CADM2: variants seen among roughly 807,000 people sequenced by gnomAD.
CADM2 encodes the protein immunoglobulin superfamily member 4D.
A neutral mutation model predicts 49.8 loss-of-function variants in CADM2; 12 were observed. That is an observed-to-expected ratio of 0.24 (90% CI 0.15 to 0.39). The LOEUF (loss-of-function observed/expected upper bound fraction) is 0.39, where lower values mean the gene tolerates loss of function less well. Ranked by LOEUF, CADM2 falls within the 10% of genes least tolerant of loss-of-function variation. The probability of loss-of-function intolerance (pLI) is 1.00; values close to 1 mark genes in which losing one functional copy is unlikely to be tolerated. For missense variants in CADM2, 378 were observed against 492.3 expected (o/e 0.77, Z 2.20); for synonymous variants, 214 against 175.4 (o/e 1.22, Z -1.74).
At chr3:85,435,244 A>G (rs1046438412) in intron 1 of CADM2, among the ~76,000 whole-genome samples, 1 of 151,930 alleles carries the variant, frequency 6.6e-6, no homozygotes, top group African/African-American at 2.4e-5. Context: ...TTCACCTCCC[A>G]CTTATGAGTG....
At chr3:85,808,413 C>T (rs1240224466) in intron 3 of CADM2, among the ~76,000 whole-genome samples, 1 of 151,968 alleles carries the variant, frequency 6.6e-6, no homozygotes, top group African/African-American at 2.4e-5. Context: ...GTCATTGAAA[C>T]ACCACATAAA....
At chr3:85,468,986 G>A (rs75776865) in intron 1 of CADM2, among the ~76,000 whole-genome samples, 7,700 of 152,210 alleles carry the variant, frequency 0.051, 651 homozygotes, top group African/African-American at 0.17. Context: ...GACTCTTCAT[G>A]GGGAGGGAAA....
intron 1 of CADM2, among the ~76,000 whole-genome samples, chr3:85,618,060 C>A (rs995373534): frequency 6.6e-6 from 1 of 151,946 alleles, no homozygotes; most frequent in Non-Finnish European, 1.5e-5. Flanking sequence ...TCATTCTTTT[C>A]TTTAGGAGGA....
intron 1 of CADM2, among the ~76,000 whole-genome samples, chr3:85,021,902 C>A (rs144444770): frequency 4.1e-4 from 63 of 152,294 alleles, no homozygotes; most frequent in Admixed American, 1.0e-3. Context: ...GGATTGCTAA[C>A]TTAGCTGATG....
intron 1 of CADM2, among the ~76,000 whole-genome samples, chr3:85,455,630 A>G (rs1002819669): frequency 3.3e-5 from 5 of 152,190 alleles, no homozygotes; most frequent in Admixed American, 1.3e-4. Context: ...CTCTTTTTTA[A>G]TATGTCCATT....
At chr3:85,018,569 G>A (rs1299666426) in intron 1 of CADM2, among the ~76,000 whole-genome samples, 6 of 151,996 alleles carry the variant, frequency 3.9e-5, no homozygotes, top group Admixed American at 3.9e-4. Context: ...TGGCTAGGCT[G>A]GTCTCAAACT....
In CADM2 at chr3:85,450,886, TAGGCTACTA is replaced by T. The variant is rs535310753; in HGVS notation, c.62-275633_62-275625del. Among the ~76,000 whole-genome samples, 549 of 152,220 alleles carry T rather than the reference TAGGCTACTA, an allele frequency of 3.6e-3. 4 individuals are homozygous for T. The highest frequency in any genetic ancestry group is 0.013 in the African/African-American group (522 of 41,592). ...AACAGATCTAGTTTTGAATTCGGCC[TAGGCTACTA>T]AGTCAAATTTCTCAATATTGTTAAT... is the stretch of plus-strand genomic sequence containing the variant. On this transcript the variant is annotated intron_variant, in intron 1 of 9. Transcript: ENST00000383699.
intron 2 of CADM2, among the ~76,000 whole-genome samples, chr3:85,776,581 G>C (rs558601780): frequency 6.6e-6 from 1 of 151,890 alleles, no homozygotes; most frequent in Non-Finnish European, 1.5e-5. Flanking sequence ...CCATTCTCTA[G>C]CTGTTTACTT....
intron 1 of CADM2, among the ~76,000 whole-genome samples, chr3:84,972,241 A>T (rs980710321): frequency 3.3e-5 from 5 of 152,228 alleles, no homozygotes; most frequent in African/African-American, 1.2e-4. Context: ...GAACTTATGG[A>T]TGATTGCAAA....
At chr3:85,567,448 A>C (rs2062299468) in intron 1 of CADM2, among the ~76,000 whole-genome samples, 4 of 152,224 alleles carry the variant, frequency 2.6e-5, no homozygotes, top group Admixed American at 2.6e-4. Context: ...ACAGGCAATA[A>C]AATTAAAAAA....
At chr3:85,379,480 AGGC>A (rs1402387278) in intron 1 of CADM2, among the ~76,000 whole-genome samples, 1 of 152,002 alleles carries the variant, frequency 6.6e-6, no homozygotes, top group East Asian at 1.9e-4. Context: ...ACTGGTTTTT[AGGC>A]TTGAGAAATT....
At chr3:86,003,185 G>C (rs1315109130) in intron 8 of CADM2, among the ~76,000 whole-genome samples, 2 of 152,084 alleles carry the variant, frequency 1.3e-5, no homozygotes, top group African/African-American at 4.8e-5. Context: ...TTTTCTTGCT[G>C]TCCATTATAA....
At chr3:85,523,830 T>G (rs1038463372) in intron 1 of CADM2, among the ~76,000 whole-genome samples, 10 of 152,102 alleles carry the variant, frequency 6.6e-5, no homozygotes, top group East Asian at 3.9e-4. Flanking sequence ...GAGGAAAAAT[T>G]GAATGCATGG....
At chr3:85,004,544 G>C (rs886833553) in intron 1 of CADM2, among the ~76,000 whole-genome samples, 5 of 152,110 alleles carry the variant, frequency 3.3e-5, no homozygotes, top group Non-Finnish European at 5.9e-5. Flanking sequence ...TGCTTCTGAG[G>C]CATGTATGTG....
chr3:85,476,002 T>C (rs1015334204), intron 1 of CADM2, among the ~76,000 whole-genome samples: 1 of 151,922 alleles, frequency 6.6e-6, no homozygotes, highest in Admixed American at 6.6e-5. Context: ...AATTCCTGCC[T>C]ATCATCTAAA....
chr3:84,980,874 G>C (rs2032134123), intron 1 of CADM2, among the ~76,000 whole-genome samples: 1 of 152,084 alleles, frequency 6.6e-6, no homozygotes, highest in Admixed American at 6.6e-5. Flanking sequence ...ACTGTGAGCA[G>C]AAACAAAATT....
At chr3:85,287,704 T>C (rs1393262433) in intron 1 of CADM2, among the ~76,000 whole-genome samples, 1 of 152,198 alleles carries the variant, frequency 6.6e-6, no homozygotes, top group Non-Finnish European at 1.5e-5. Context: ...TCACTTTTAA[T>C]GATTTTACAT....
intron 1 of CADM2, among the ~76,000 whole-genome samples, chr3:85,071,704 A>T (rs2036749901): frequency 6.6e-6 from 1 of 152,094 alleles, no homozygotes; most frequent in South Asian, 2.1e-4. Context: ...AATCAAAATG[A>T]CTGCTCAAAT....
chr3:85,568,845 T>C (rs2062395481), intron 1 of CADM2, among the ~76,000 whole-genome samples: 1 of 151,950 alleles, frequency 6.6e-6, no homozygotes, highest in African/African-American at 2.4e-5. Context: ...TGACTTCAGG[T>C]GATCCGTCCA....
Sources: allele counts gnomAD v4.1 joint callset (sites outside exome capture counted in the v4.1 genomes callset), GRCh38; gene constraint gnomAD v4.1.1; transcripts MANE v1.5; gene names NCBI Gene and HGNC (gene_info 2026-07-23, HGNC 2026-07-21).